ARHGEF12: variants seen among roughly 807,000 people sequenced by gnomAD.
The protein encoded by ARHGEF12 is Rho guanine nucleotide exchange factor 12, also known as KMT2A/ARHGEF12 fusion protein.
A neutral mutation model predicts 211.2 loss-of-function variants in ARHGEF12; 66 were observed. The ratio of observed to expected loss-of-function variants is 0.31; its 90% CI spans 0.26 to 0.38. The LOEUF is 0.38. Ranked by LOEUF, ARHGEF12 falls within the 10% of genes least tolerant of loss-of-function variation. The probability of loss-of-function intolerance (pLI) is 1.00; values close to 1 mark genes in which losing one functional copy is unlikely to be tolerated. For synonymous variants in ARHGEF12, 592 were observed against 638.4 expected (o/e 0.93, Z 1.09); for missense variants, 1,429 against 1,869.5 (o/e 0.76, Z 4.34).
rs1228094965 is a variant in ARHGEF12, at chr11:120,459,187, T to A, written c.2394T>A (p.Thr798=). The stretch of plus-strand genomic sequence containing the variant: ...TTTCCTGTTCAGAATTGTTCTACAC[T>A]GAAAGAGCTCATGTTCGAACACTGA... ...RQEVINELFY[T]ERAHVRTLKV... The change falls in exon 26 of 41, where the codon ACT becomes ACA. Residue 798 remains threonine (T), a synonymous_variant. Transcript: ENST00000397843. 6.2e-7 allele frequency: 1 copy of A among 1,612,358 alleles called. No individual in the cohort carries two copies. The highest frequency in any genetic ancestry group is 1.7e-5 in the Admixed American group (1 of 59,810).
intron 1 of ARHGEF12, among the ~76,000 whole-genome samples, chr11:120,355,748 T>A (rs937815856): frequency 9.9e-5 from 15 of 152,218 alleles, no homozygotes; most frequent in African/African-American, 3.4e-4. Context: ...TTTTTGACTC[T>A]TGATTCATTA....
At chr11:120,391,535 G>C (rs2135499061) in intron 1 of ARHGEF12, among the ~76,000 whole-genome samples, 1 of 152,310 alleles carries the variant, frequency 6.6e-6, no homozygotes, top group South Asian at 2.1e-4. Flanking sequence ...TATAAATGCT[G>C]TTCTGTCTCT....
chr11:120,337,967 G>A (rs1423788974), intron 1 of ARHGEF12: 2 of 928,556 alleles, frequency 2.2e-6, no homozygotes, highest in Non-Finnish European at 2.6e-6. Context: ...CATAGTGTAA[G>A]CGCGCAGCTG....
intron 10 of ARHGEF12, among the ~76,000 whole-genome samples, chr11:120,430,219 T>G (rs1047062482): frequency 6.6e-6 from 1 of 152,120 alleles, no homozygotes; most frequent in Non-Finnish European, 1.5e-5. Flanking sequence ...CAACAGGCAT[T>G]GAGCTAAATA....
chr11:120,407,666 T>C, intron 2 of ARHGEF12, 72 bp from the exon 3 acceptor site: 1 of 1,177,644 alleles, frequency 8.5e-7, no homozygotes, highest in Admixed American at 1.8e-5. Flanking sequence ...TAAGATCCAC[T>C]TTTAGAATTT....
chr11:120,388,996 GGGATTACA>G (rs1944127743), intron 1 of ARHGEF12, among the ~76,000 whole-genome samples: 1 of 151,828 alleles, frequency 6.6e-6, no homozygotes, highest in African/African-American at 2.4e-5. Flanking sequence ...CCAAGTAGCT[GGGATTACA>G]GGTGGCCACC....
chr11:120,347,765 A>G (rs976950191), intron 1 of ARHGEF12, among the ~76,000 whole-genome samples: 1 of 152,156 alleles, frequency 6.6e-6, no homozygotes, highest in African/African-American at 2.4e-5. Context: ...AATATGAGAC[A>G]TTCTGTTATG....
At chr11:120,354,080 G>A (rs11824032) in intron 1 of ARHGEF12, among the ~76,000 whole-genome samples, 29,203 of 151,994 alleles carry the variant, frequency 0.19, 2,963 homozygotes, top group African/African-American at 0.24. Context: ...GAGACTAGGG[G>A]TGCAGTGGGA....
intron 4 of ARHGEF12, among the ~76,000 whole-genome samples, chr11:120,414,380 AG>A (rs1276044691): frequency 2.0e-5 from 3 of 152,184 alleles, no homozygotes; most frequent in South Asian, 2.1e-4. Context: ...TACTTTGCAT[AG>A]TCTTCAAGGC....
chr11:120,383,305 G>A (rs892932137), intron 1 of ARHGEF12, among the ~76,000 whole-genome samples: 4 of 152,114 alleles, frequency 2.6e-5, no homozygotes, highest in African/African-American at 9.7e-5. Flanking sequence ...GACCGGTTTT[G>A]TTGTAGACAG....
intron 1 of ARHGEF12, among the ~76,000 whole-genome samples, chr11:120,384,215 A>G (rs1200050906): frequency 2.6e-5 from 4 of 152,200 alleles, no homozygotes; most frequent in East Asian, 1.9e-4. Flanking sequence ...GCCAAGGTAT[A>G]TGTTCTCTGA....
Position 120,391,536 on chromosome 11 carries a change from TTC to T in ARHGEF12, c.33-14580_33-14579del, listed in dbSNP as rs1372885647. On this transcript the variant is annotated intron_variant, in intron 1 of 40. Transcript: ENST00000397843. Reference sequence around the variant, plus strand: ...TTCCTTCTCTAGCCTATAAATGCTGTTCTGTCTCTGTGAAAAGCCCTGACATC... The same window carrying T: ...TTCCTTCTCTAGCCTATAAATGCTGTTGTCTCTGTGAAAAGCCCTGACATC... Among the ~76,000 whole-genome samples, 9 of 152,344 alleles carry T rather than the reference TTC, an allele frequency of 5.9e-5. No individual in the cohort carries two copies. The South Asian group carries it at 1.7e-3, about 28-fold the overall frequency.
At chr11:120,445,562 G>T (rs1946018714) in intron 16 of ARHGEF12, 98 bp downstream of exon 16, 1 of 1,172,232 alleles carries the variant, frequency 8.5e-7, no homozygotes, top group South Asian at 1.2e-5. Flanking sequence ...GTGACTAGTC[G>T]ATCACCTGAA....
chr11:120,443,544 C>T (rs1945948175), intron 15 of ARHGEF12, among the ~76,000 whole-genome samples: 1 of 152,144 alleles, frequency 6.6e-6, no homozygotes, highest in African/African-American at 2.4e-5. Context: ...ACTCCTGCCC[C>T]GTTTTCTTTG....
intron 21 of ARHGEF12, chr11:120,449,967 G>C (rs769661564): frequency 1.3e-5 from 2 of 151,968 alleles, no homozygotes; most frequent in Non-Finnish European, 2.9e-5. Context: ...TTTCACCCCA[G>C]GCCCAATAAA....
rs1181314475 is a variant in ARHGEF12 at position 120,431,879 on chromosome 11, G to A, written c.892G>A (p.Asp298Asn). 6.2e-7 allele frequency: 1 copy of A among 1,611,990 alleles called. No individual in the cohort carries two copies. Among genetic ancestry groups the A allele is most frequent in the Non-Finnish European group, 8.5e-7 (1 of 1,179,298 alleles). The change falls in exon 11 of 41, where the codon GAT (aspartate) becomes AAT (asparagine). Residue 298 changes from aspartate to asparagine, a missense_variant. Coordinates refer to ENST00000397843, the MANE Select transcript of ARHGEF12 (RefSeq NM_015313.3). ...VLGRTDCSSG[D>N]ASRPSSDNAD... ...GGGCAGGACTGACTGTAGCAGTGGA[G>A]ATGCTTCTCGGCCCAGTAGTGACAA...
chr11:120,472,231 A>G (rs1405956886), intron 30 of ARHGEF12, among the ~76,000 whole-genome samples: 1 of 152,072 alleles, frequency 6.6e-6, no homozygotes, highest in Non-Finnish European at 1.5e-5. Context: ...ATATTATGCT[A>G]CCATATCTTG....
intron 1 of ARHGEF12, among the ~76,000 whole-genome samples, chr11:120,378,938 A>G (rs1943805065): frequency 6.6e-6 from 1 of 152,274 alleles, no homozygotes; most frequent in African/African-American, 2.4e-5. Flanking sequence ...TGGCTCTTCT[A>G]GATCTTTGCA....
chr11:120,447,249 T>TA, intron 18 of ARHGEF12, 164 bp downstream of exon 18: 2 of 671,550 alleles, frequency 3.0e-6, no homozygotes, highest in East Asian at 6.5e-5. Context: ...TTTTTTCTGA[T>TA]ACTTTTAGAT....
Sources: allele counts gnomAD v4.1 joint callset (sites outside exome capture counted in the v4.1 genomes callset), GRCh38; gene constraint gnomAD v4.1.1; transcripts MANE v1.5; gene names NCBI Gene and HGNC (gene_info 2026-07-23, HGNC 2026-07-21).